Variants in MCF2 observed in about 807,000 individuals in gnomAD.
The protein encoded by MCF2 is MCF.2 cell line derived transforming sequence, also known as proto-oncogene DBL.
MCF2 carries 44 observed loss-of-function variants against 82.5 expected under a neutral mutation model. The observed-to-expected ratio is 0.53, with a 90% CI of 0.42 to 0.69. The LOEUF is 0.69. Among genes scored for constraint, MCF2 ranks in the 30% least tolerant of loss-of-function variants. The probability of loss-of-function intolerance (pLI) is 0.00; values close to 1 mark genes in which losing one functional copy is unlikely to be tolerated. For synonymous variants in MCF2, 217 were observed against 224.9 expected (o/e 0.96, Z 0.32); for missense variants, 623 against 663.1 (o/e 0.94, Z 0.66).
At chrX:139,675,035 C>G (rs185550156) in intron 1 of MCF2, among the ~76,000 whole-genome samples, 4 of 112,096 alleles carry the variant, frequency 3.6e-5, no homozygotes, top group Non-Finnish European at 7.5e-5. Context: ...TCTTTTTTCT[C>G]TAAACTTCTC....
At chrX:139,690,549 A>G (rs1935238268) in intron 1 of MCF2, among the ~76,000 whole-genome samples, 1 of 110,713 alleles carries the variant, frequency 9.0e-6, no homozygotes, top group Non-Finnish European at 1.9e-5. Flanking sequence ...CTAGAAAATA[A>G]TATAGACCAG....
In MCF2 at chrX:139,597,589, TA is replaced by T; in HGVS notation, c.1930-5del. On this transcript the variant is annotated splice_region_variant and splice_polypyrimidine_tract_variant and intron_variant, in intron 17 of 24. Coordinates refer to ENST00000370576, the Ensembl canonical transcript of MCF2. The stretch of plus-strand genomic sequence containing the variant: ...CTTTGCTATATTTTAATAGCTCCTG[TA>T]ATTAGAAATCAGGAATTAATATTAG... 8.8e-7 allele frequency: 1 copy of T among 1,138,651 alleles called. No individual in the cohort carries two copies. The highest frequency in any genetic ancestry group is 1.2e-6 in the Non-Finnish European group (1 of 847,570). 93.8% of individuals were successfully genotyped at this position (1,138,651 alleles called of 1,213,427 possible). A position where few individuals can be genotyped will look rare whatever the true frequency, so the allele number is the denominator to read the frequency against.
chrX:139,660,473 T>A (rs899156042), intron 1 of MCF2, among the ~76,000 whole-genome samples: 5 of 112,440 alleles, frequency 4.4e-5, no homozygotes, highest in African/African-American at 1.6e-4. Flanking sequence ...GAGTCCTAAA[T>A]CCTGTGCAAG....
chrX:139,602,482 A>C, exon 16 of MCF2: 2 of 1,184,139 alleles, frequency 1.7e-6, no homozygotes, highest in Non-Finnish European at 2.3e-6. Context: ...TTTTGCATAC[A>C]TCTGAAAATC....
intron 1 of MCF2, among the ~76,000 whole-genome samples, chrX:139,706,839 G>T (rs1351436811): frequency 9.1e-6 from 1 of 109,933 alleles, no homozygotes; most frequent in African/African-American, 3.3e-5. Context: ...TTTATACTGC[G>T]TCAGACTCTC....
chrX:139,684,634 A>G (rs1453697393), intron 1 of MCF2, among the ~76,000 whole-genome samples: 1 of 112,740 alleles, frequency 8.9e-6, no homozygotes, highest in East Asian at 2.8e-4. Flanking sequence ...CACTGCAATA[A>G]GATGCAGCCA....
chrX:139,628,571 C>T (rs1004657970), intron 4 of MCF2, among the ~76,000 whole-genome samples: 2 of 111,412 alleles, frequency 1.8e-5, no homozygotes, highest in African/African-American at 6.5e-5. Context: ...ACCTCAGCAT[C>T]CCACAATTTA....
exon 19 of MCF2, chrX:139,596,570 G>A: frequency 8.3e-7 from 1 of 1,207,276 alleles, no homozygotes; most frequent in Non-Finnish European, 1.1e-6. Flanking sequence ...GTTTAAAACT[G>A]TATGACGGGT....
chrX:139,621,679 T>G (rs959473905), intron 6 of MCF2, among the ~76,000 whole-genome samples: 5 of 111,391 alleles, frequency 4.5e-5, no homozygotes, highest in Admixed American at 1.9e-4. Context: ...TAGCCATATG[T>G]AGAAAGCTGA....
chrX:139,610,953 A>C (rs1235063254), intron 10 of MCF2, among the ~76,000 whole-genome samples: 1 of 112,310 alleles, frequency 8.9e-6, no homozygotes. Flanking sequence ...CCATATAAAC[A>C]TTTCCAAAGC....
intron 1 of MCF2, among the ~76,000 whole-genome samples, chrX:139,658,999 ACTACTTCTGG>A (rs1201667987): frequency 9.0e-6 from 1 of 111,575 alleles, no homozygotes; most frequent in Non-Finnish European, 1.9e-5. Context: ...TCTTTTAAGA[ACTACTTCTGG>A]CTGGGTGCGG....
At chrX:139,692,110 C>A in intron 1 of MCF2, 3 of 1,160,893 alleles carry the variant, frequency 2.6e-6, no homozygotes, top group Non-Finnish European at 3.5e-6. Context: ...GGCGCCGAAG[C>A]GGCAGCTTGG....
chrX:139,619,644 A>T, exon 7 of MCF2: 1 of 1,170,852 alleles, frequency 8.5e-7, no homozygotes, highest in South Asian at 1.9e-5. Context: ...CTTGAGCTAT[A>T]GTCCCTGTTA....
chrX:139,685,959 C>A (rs1935111944), intron 1 of MCF2, among the ~76,000 whole-genome samples: 1 of 110,018 alleles, frequency 9.1e-6, no homozygotes, highest in South Asian at 4.0e-4. Context: ...TCAAGACATG[C>A]AAATCAATAA....
chrX:139,647,871 C>A (rs1464484883), upstream of MCF2, among the ~76,000 whole-genome samples: 1 of 111,975 alleles, frequency 8.9e-6, no homozygotes, highest in Non-Finnish European at 1.9e-5. Flanking sequence ...AGCCTAGCAC[C>A]TACACAGAGA....
At chrX:139,696,625 C>T (rs999566527) in intron 1 of MCF2, among the ~76,000 whole-genome samples, 8 of 110,879 alleles carry the variant, frequency 7.2e-5, no homozygotes, top group African/African-American at 9.8e-5. Context: ...GACGGGGTTT[C>T]GCCATGTTGG....
intron 20 of MCF2, 33 bp from the exon 25 acceptor site, chrX:139,588,471 G>A (rs746594957): frequency 3.3e-6 from 3 of 903,143 alleles, no homozygotes; most frequent in Non-Finnish European, 4.8e-6. Context: ...GAGGGAGGTG[G>A]TACACATTTC....
chrX:139,614,404 A>G (rs1021553156), intron 10 of MCF2, among the ~76,000 whole-genome samples: 13 of 111,378 alleles, frequency 1.2e-4, no homozygotes, highest in African/African-American at 4.2e-4. Flanking sequence ...ATATTTCACC[A>G]CTATGCAATA....
At chrX:139,629,574 T>A in intron 4 of MCF2, 121 bp downstream of exon 7, 1 of 621,236 alleles carries the variant, frequency 1.6e-6, no homozygotes, top group Non-Finnish European at 2.4e-6. Flanking sequence ...AGTTTTTAAA[T>A]ATATTACATA....
Sources: allele counts gnomAD v4.1 joint callset (sites outside exome capture counted in the v4.1 genomes callset), GRCh38; gene constraint gnomAD v4.1.1; transcripts MANE v1.5; gene names NCBI Gene and HGNC (gene_info 2026-07-23, HGNC 2026-07-21).